PLS1: variants seen among roughly 807,000 people sequenced by gnomAD.
PLS1 encodes the protein plastin-1.
In PLS1, 32 loss-of-function variants were observed where a neutral mutation model predicts 73.7. The ratio of observed to expected loss-of-function variants is 0.43; its 90% confidence interval spans 0.33 to 0.58. The LOEUF (loss-of-function observed/expected upper bound fraction) is 0.58, where lower values mean the gene tolerates loss of function less well. PLS1 is among the 20% of genes least tolerant of loss of function. PLS1 has a pLI of 0.04. For synonymous variants in PLS1, 217 were observed against 261.3 expected (o/e 0.83, Z 1.63); for missense variants, 633 against 740.5 (o/e 0.85, Z 1.68).
At chr3:142,626,574 A>G (rs1385269149) in intron 1 of PLS1, among the ~76,000 whole-genome samples, 1 of 152,228 alleles carries the variant, frequency 6.6e-6, no homozygotes, top group Non-Finnish European at 1.5e-5. Flanking sequence ...TGTATGCAAG[A>G]TACTGTTTAT....
At chr3:142,606,719 T>G (rs2036025349) in intron 1 of PLS1, among the ~76,000 whole-genome samples, 1 of 152,210 alleles carries the variant, frequency 6.6e-6, no homozygotes, top group Admixed American at 6.5e-5. Context: ...TGCGTCTGGC[T>G]TATTTCACTT....
chr3:142,628,836 C>G (rs973572811), intron 1 of PLS1, among the ~76,000 whole-genome samples: 1 of 152,134 alleles, frequency 6.6e-6, no homozygotes, highest in Non-Finnish European at 1.5e-5. Context: ...AAACAAAAAA[C>G]ACTGGGTCAG....
chr3:142,684,053 A>C lies in PLS1; in HGVS notation c.627A>C (p.Thr209=). ...ALNSASAIGC[T]VVNIGASDLK... is the part of the protein sequence containing the mutation. ...ATTCTGCCTCAGCCATTGGTTGTAC[A>C]GTGGTCAACATTGGTGCATCAGATC... Residue 209 remains threonine (T), a synonymous_variant, in exon 7 of 16, where the codon ACA becomes ACC. Transcript: ENST00000457734. 1.2e-6 allele frequency: 2 copies of C among 1,613,922 alleles called. No homozygotes were observed. The highest frequency in any genetic ancestry group is 8.5e-7 in the Non-Finnish European group (1 of 1,179,854).
At chr3:142,660,522 A>G (rs1213495088) in intron 1 of PLS1, among the ~76,000 whole-genome samples, 1 of 152,130 alleles carries the variant, frequency 6.6e-6, no homozygotes, top group Non-Finnish European at 1.5e-5. Flanking sequence ...TTGGTTGTTC[A>G]CCCTTGTAAT....
Position 142,704,495 on chromosome 3 carries a change from A to G in PLS1, c.1538A>G (p.Glu513Gly), listed in dbSNP as rs2038407749. 1 of 1,599,478 alleles carries G rather than the reference A, an allele frequency of 6.3e-7. No individual in the cohort carries two copies. The highest frequency in any genetic ancestry group is 8.6e-7 in the Non-Finnish European group (1 of 1,167,948). Residue 513 changes from glutamate (E) to glycine (G), a missense_variant, in exon 14 of 16, where the codon GAG (glutamate) becomes GGG (glycine). Transcript: ENST00000457734. Reference protein sequence around the residue: ...YTLNVLSDLGEGEKVNDEIII... With the variant: ...YTLNVLSDLGGGEKVNDEIII... ...TTGAATGTGTTATCGGATCTTGGAG[A>G]GGGTGAAAAAGTAAATGATGAAATT...
At chr3:142,601,662 G>C (rs1209682362) in intron 1 of PLS1, among the ~76,000 whole-genome samples, 1 of 151,922 alleles carries the variant, frequency 6.6e-6, no homozygotes. Context: ...CCCAGGTGTG[G>C]ACCAACGTGC....
intron 2 of PLS1, among the ~76,000 whole-genome samples, chr3:142,668,077 A>G (rs6795920): frequency 0.018 from 2,755 of 152,308 alleles, 83 homozygotes; most frequent in African/African-American, 0.062. Context: ...ATTAAGAAGA[A>G]CAAGAAATAT....
At chr3:142,649,547 A>G (rs956750253) in intron 1 of PLS1, among the ~76,000 whole-genome samples, 68 of 152,084 alleles carry the variant, frequency 4.5e-4, no homozygotes, top group African/African-American at 1.6e-3. Context: ...CTGTGGCAGG[A>G]GAATTGCTTG....
At chr3:142,622,881 C>G (rs551360552) in intron 1 of PLS1, among the ~76,000 whole-genome samples, 1 of 152,140 alleles carries the variant, frequency 6.6e-6, no homozygotes, top group African/African-American at 2.4e-5. Flanking sequence ...TTTGGTTTTA[C>G]AATTTCCTAA....
At chr3:142,616,927 A>G (rs1159304530) in intron 1 of PLS1, among the ~76,000 whole-genome samples, 1 of 152,046 alleles carries the variant, frequency 6.6e-6, no homozygotes, top group Non-Finnish European at 1.5e-5. Flanking sequence ...TATGTCCTTC[A>G]TATTCATCTG....
At chr3:142,655,668 G>A (rs150610450) in intron 1 of PLS1, among the ~76,000 whole-genome samples, 144 of 149,268 alleles carry the variant, frequency 9.6e-4, no homozygotes, top group African/African-American at 2.9e-3. Context: ...GTTGCAGTGA[G>A]CTGAGATCAT....
chr3:142,688,541 C>T (rs1209329579), intron 9 of PLS1, among the ~76,000 whole-genome samples: 1 of 152,200 alleles, frequency 6.6e-6, no homozygotes, highest in East Asian at 1.9e-4. Flanking sequence ...TTCCCTATCC[C>T]ACCTCGGTTT....
intron 9 of PLS1, 93 bp downstream of exon 9, chr3:142,686,469 C>G: frequency 1.3e-6 from 1 of 765,932 alleles, no homozygotes; most frequent in South Asian, 1.4e-5. Context: ...AGTTCAGTGG[C>G]ATTCAGTACA....
chr3:142,692,125 TGGTC>T (rs1179309144), intron 10 of PLS1, among the ~76,000 whole-genome samples: 1 of 152,158 alleles, frequency 6.6e-6, no homozygotes, highest in African/African-American at 2.4e-5. Flanking sequence ...TGTTTATTAA[TGGTC>T]AGGGAGGGAG....
intron 14 of PLS1, 90 bp downstream of exon 14, chr3:142,704,676 T>C: frequency 1.8e-6 from 1 of 567,240 alleles, no homozygotes. Flanking sequence ...GGAGATGGAG[T>C]CTCGCTCTGT....
At chr3:142,642,921 G>A (rs2108617188) in intron 1 of PLS1, among the ~76,000 whole-genome samples, 1 of 152,118 alleles carries the variant, frequency 6.6e-6, no homozygotes, top group East Asian at 1.9e-4. Flanking sequence ...GAACTCCTGG[G>A]CTCAGGTGAT....
intron 1 of PLS1, chr3:142,619,484 T>G (rs990945832): frequency 6.6e-6 from 1 of 152,238 alleles, no homozygotes; most frequent in Admixed American, 6.5e-5. Context: ...AAAGTATGGC[T>G]TCTACTCATT....
intron 1 of PLS1, among the ~76,000 whole-genome samples, chr3:142,633,724 T>C (rs1236103331): frequency 6.6e-6 from 1 of 152,122 alleles, no homozygotes; most frequent in East Asian, 1.9e-4. Flanking sequence ...GTTATGTGTT[T>C]TTTACCACAA....
intron 4 of PLS1, among the ~76,000 whole-genome samples, chr3:142,671,642 G>C (rs561183849): frequency 6.6e-6 from 1 of 152,114 alleles, no homozygotes; most frequent in South Asian, 2.1e-4. Flanking sequence ...TTAAACCACT[G>C]GACCATTGCC....
Sources: allele counts gnomAD v4.1 joint callset (sites outside exome capture counted in the v4.1 genomes callset), GRCh38; gene constraint gnomAD v4.1.1; transcripts MANE v1.5; gene names NCBI Gene and HGNC (gene_info 2026-07-23, HGNC 2026-07-21).